The following EPOR variants were observed in gnomAD, a reference collection of about 807,000 sequenced individuals.
EPOR encodes erythropoietin receptor.
In EPOR, 20 loss-of-function variants were observed where a neutral mutation model predicts 34.3. The ratio of observed to expected loss-of-function variants is 0.58; its 90% CI spans 0.41 to 0.85. The LOEUF is 0.85. EPOR is among the 40% of genes least tolerant of loss of function. The pLI is 0.00. For missense variants in EPOR, 601 were observed against 672.7 expected (o/e 0.89, Z 1.18); for synonymous variants, 312 against 299.0 (o/e 1.04, Z -0.45).
At chr19:11,382,139 G>C (rs773520013) in intron 2 of EPOR, 34 bp from the exon 3 acceptor site, 2 of 1,597,322 alleles carry the variant, frequency 1.3e-6, no homozygotes, top group Non-Finnish European at 8.6e-7. Flanking sequence ...GGTTGGGAGG[G>C]GGGACCGGGG....
Position 11,378,703 on chromosome 19 carries a change from C to T in EPOR, c.903G>A (p.Lys301=). The T allele has an allele frequency of 6.2e-7, 1 of 1,614,202 alleles. No homozygotes were observed. ...SEFEGLFTTH[K]GNFQLWLYQN... The stretch of plus-strand genomic sequence containing the variant: ...CCAGGCCACCTACCTGGAAGTTACC[C>T]TTGTGGGTGGTGAAGAGGCCTTCAA... Residue 301 remains lysine (K), a synonymous_variant, in exon 7 of 8, where the codon AAG becomes AAA. Coordinates refer to ENST00000222139, the MANE Select transcript of EPOR (RefSeq NM_000121.4). The surrounding 1 kb of genome is among the most constrained non-coding windows in gnomAD (Gnocchi z 5.3).
chr19:11,381,969 C>T lies in EPOR; in HGVS notation c.388G>A (p.Ala130Thr), dbSNP rs750556052. 2 of 1,614,214 alleles carry T rather than the reference C, an allele frequency of 1.2e-6. No homozygotes were observed. Among genetic ancestry groups the T allele is most frequent in the East Asian group, 4.5e-5 (2 of 44,884 alleles). ...TGGATGACACGGTGATATCGCGGAG[C>T]GCCGGAGGCTGCTGTGACGCGCAAC... ...LELRVTAASGAPRYHRVIHIN... is the reference protein window; with the variant it reads ...LELRVTAASGTPRYHRVIHIN... The change falls in exon 3 of 8, where the codon GCT becomes ACT. Residue 130 changes from alanine (A) to threonine (T), a missense_variant. Ala to Thr is a moderately conservative substitution (Grantham distance 58). Transcript: ENST00000222139. This position sits in a 1 kb window ranked among gnomAD's most constrained non-coding sequence, Gnocchi z 5.3.
Position 11,383,556 on chromosome 19 carries a change from G to T in EPOR, c.116-324C>A, listed in dbSNP as rs1032126853. On this transcript the variant is annotated intron_variant, in intron 1 of 7. Coordinates refer to ENST00000222139, the MANE Select transcript of EPOR (RefSeq NM_000121.4). This position sits in a 1 kb window ranked among gnomAD's most constrained non-coding sequence, Gnocchi z 4.9. The stretch of plus-strand genomic sequence containing the variant: ...CCAGCCTAGGACACGCGCGCGGCTG[G>T]GGGTGTGTGCGGAGAGGCGGGCCCC... 10 of 307,584 alleles carry T rather than the reference G, an allele frequency of 3.3e-5. No homozygotes were observed. The highest frequency in any genetic ancestry group is 5.5e-5 in the Non-Finnish European group (9 of 163,956). The allele number at this position is 307,584 out of a possible 1,614,324, so 19.1% of individuals were successfully genotyped here.
rs879508893 is a variant in EPOR at position 11,377,788 on chromosome 19, T to G, written c.*196A>C. ...TTACATACATATGTGTATATATATATATAGATACAAAAAAAAACTATACAT... is the reference window on the plus strand; with the variant it reads ...TTACATACATATGTGTATATATATAGATAGATACAAAAAAAAACTATACAT... On this transcript the variant is annotated 3_prime_UTR_variant, in exon 8 of 8. Transcript: ENST00000222139. 1.2e-5 allele frequency: 9 copies of G among 731,034 alleles called. No individual in the cohort carries two copies. Among genetic ancestry groups the G allele is most frequent in the East Asian group, 2.7e-5 (1 of 36,494 alleles). The allele number at this position is 731,034 out of a possible 1,614,324, so 45.3% of individuals were successfully genotyped here. A position where few individuals can be genotyped will look rare whatever the true frequency, so the allele number is the denominator to read the frequency against.
Position 11,380,952 on chromosome 19 carries a change from C to T in EPOR, c.759G>A (p.Leu253=). ...LTPSDLDPLI[L]TLSLILVVIL... ...TGACCACGAGGATGAGGGAGAGCGT[C>T]AGGATGAGGGGGTCCAGGTCTAAGA... Residue 253 remains leucine, a synonymous_variant, in exon 6 of 8, where the codon CTG becomes CTA. Transcript: ENST00000222139. The T allele has an allele frequency of 6.4e-7, 1 of 1,552,526 alleles. No individual in the cohort carries two copies. The highest frequency in any genetic ancestry group is 8.7e-7 in the Non-Finnish European group (1 of 1,147,348).
rs562625915 is a variant in EPOR, at chr19:11,382,119, G to T, written c.252-14C>A. ...CATGGCTCATCCCTATGCGCCCAGG[G>T]AAGGGAGCAGGTTGGGAGGGGGGAC... is the stretch of plus-strand genomic sequence containing the variant. On this transcript the variant is annotated splice_polypyrimidine_tract_variant and intron_variant, in intron 2 of 7. Coordinates refer to ENST00000222139, the MANE Select transcript of EPOR (RefSeq NM_000121.4). The T allele has an allele frequency of 6.2e-7, 1 of 1,611,472 alleles. No individual in the cohort carries two copies. Among genetic ancestry groups the T allele is most frequent in the South Asian group, 1.1e-5 (1 of 91,004 alleles).
Position 11,384,252 on chromosome 19 carries a change from T to C in EPOR, c.-45A>G, listed in dbSNP as rs2144701419. 7.9e-7 allele frequency: 1 copy of C among 1,272,184 alleles called. No homozygotes were observed. 78.8% of individuals were successfully genotyped at this position (1,272,184 alleles called of 1,614,324 possible). A position where few individuals can be genotyped will look rare whatever the true frequency, so the allele number is the denominator to read the frequency against. On this transcript the variant is annotated 5_prime_UTR_variant, in exon 1 of 8. Transcript: ENST00000222139. ...GGAGCCCAGGGCTCCTGCCCCTCCG[T>C]CCCCCGCCCCCGGCACAGTCCACAG...
In EPOR at chr19:11,384,193, C is replaced by T. The variant is rs1968404106; in HGVS notation, c.15G>A (p.Gly5=). 3 of 1,546,338 alleles carry T rather than the reference C, an allele frequency of 1.9e-6. No individual in the cohort carries two copies. The highest frequency in any genetic ancestry group is 2.6e-6 in the Non-Finnish European group (3 of 1,146,184). Residue 5 remains glycine (G), a synonymous_variant, in exon 1 of 8, where the codon GGG becomes GGA. Transcript: ENST00000222139. Reference sequence around the variant, plus strand: ...AGCCGACCTGGGGCCAGAGGGACGCCCCGAGGTGGTCCATGATACAGCCCC... The same window carrying T: ...AGCCGACCTGGGGCCAGAGGGACGCTCCGAGGTGGTCCATGATACAGCCCC... MDHL[G]ASLWPQVGSL... is the part of the protein sequence containing the mutation.
chr19:11,382,898 A>T (rs777000774), intron 2 of EPOR, 199 bp downstream of exon 2: 24 of 1,529,376 alleles, frequency 1.6e-5, no homozygotes, highest in Non-Finnish European at 2.0e-5. Flanking sequence ...GTCGCGTTCC[A>T]GCGGTGATCG....
rs35423344 is a variant in EPOR, at chr19:11,378,373, G to C, written c.1138C>G (p.Pro380Ala). 0.011 allele frequency: 17,236 copies of C among 1,613,328 alleles called. 1,522 individuals are homozygous for C. The African/African-American group carries it at 0.2, about 19-fold the overall frequency. ...GGCCCTGGGAGGTCCTCACTGGGCG[G>C]GTTCCGGGGCAGCAACCATTTGTCC... Reference protein sequence around the residue: ...VLDKWLLPRNPPSEDLPGPGG... With the variant: ...VLDKWLLPRNAPSEDLPGPGG... The change falls in exon 8 of 8, where the codon CCG becomes GCG. Residue 380 changes from proline (P) to alanine (A), a missense_variant. Physicochemically the swap from Pro to Ala is conservative, Grantham distance 27. Coordinates refer to ENST00000222139, the MANE Select transcript of EPOR (RefSeq NM_000121.4). The surrounding 1 kb of genome is among the most constrained non-coding windows in gnomAD (Gnocchi z 5.3).
Position 11,381,406 on chromosome 19 carries a change from G to A in EPOR, c.586-197C>T, listed in dbSNP as rs575398070. ...GAGAGTCTCTGGTACGAAAGGGCGG[G>A]ACCCGGGCAATTTAATATCTGGGCT... On this transcript the variant is annotated intron_variant, in intron 4 of 7. Coordinates refer to ENST00000222139, the MANE Select transcript of EPOR (RefSeq NM_000121.4). This position sits in a 1 kb window ranked among gnomAD's most constrained non-coding sequence, Gnocchi z 5.3. 258 of 708,618 alleles carry A rather than the reference G, an allele frequency of 3.6e-4. No homozygotes were observed. Among genetic ancestry groups the A allele is most frequent in the Non-Finnish European group, 5.6e-4 (238 of 427,870 alleles). The allele number at this position is 708,618 out of a possible 1,614,324, so 43.9% of individuals were successfully genotyped here. A position where few individuals can be genotyped will look rare whatever the true frequency, so the allele number is the denominator to read the frequency against.
rs745615457 is a variant in EPOR, at chr19:11,377,369, G to A, written c.*615C>T. 5.1e-5 allele frequency: 23 copies of A among 453,994 alleles called. No homozygotes were observed. The highest frequency in any genetic ancestry group is 3.1e-4 in the South Asian group (20 of 64,478). 28.1% of individuals were successfully genotyped at this position (453,994 alleles called of 1,614,324 possible). A position where few individuals can be genotyped will look rare whatever the true frequency, so the allele number is the denominator to read the frequency against. On this transcript the variant is annotated 3_prime_UTR_variant, in exon 8 of 8. Coordinates refer to ENST00000222139, the MANE Select transcript of EPOR (RefSeq NM_000121.4). ...GCCAGTGAGGTGTGAGAAGAAGAGA[G>A]GAAGCCCATTTCCAGGCCAGATCCC...
Position 11,378,200 on chromosome 19 carries a change from A to G in EPOR, c.1311T>C (p.Arg437=), listed in dbSNP as rs1229146571. The change falls in exon 8 of 8, where the codon CGT becomes CGC. Residue 437 remains arginine, a synonymous_variant. Transcript: ENST00000222139. The surrounding 1 kb of genome is among the most constrained non-coding windows in gnomAD (Gnocchi z 5.3). ...GCAGCTCAGGGCACAGTGTCCATGG[A>G]CGCAAGAGCTGGGAGCTGGGGTCCA... The part of the protein sequence containing the change: ...TILDPSSQLL[R]PWTLCPELPP... 6.2e-7 allele frequency: 1 copy of G among 1,614,152 alleles called. No homozygotes were observed. The highest frequency in any genetic ancestry group is 2.2e-5 in the East Asian group (1 of 44,884).
chr19:11,378,102 G>C lies in EPOR; in HGVS notation c.1409C>G (p.Ser470Ter). ...CCCTTGGGCTCCCTGGGAGTCCCCT[G>C]AGCTGTAGTCAGTTGAGATGCCAGA... is the stretch of plus-strand genomic sequence containing the variant. ...SDSGISTDYS[S>*]GDSQGAQGGL... Residue 470 changes from serine (S) to a stop codon, truncating the protein, a stop_gained, in exon 8 of 8, where the codon TCA becomes TGA. Coordinates refer to ENST00000222139, the MANE Select transcript of EPOR (RefSeq NM_000121.4). LOFTEE classifies it high-confidence loss of function. This position sits in a 1 kb window ranked among gnomAD's most constrained non-coding sequence, Gnocchi z 5.3. 1.2e-6 allele frequency: 2 copies of C among 1,614,094 alleles called. No homozygotes were observed. The highest frequency in any genetic ancestry group is 1.7e-6 in the Non-Finnish European group (2 of 1,180,024).
chr19:11,382,992 C>A (rs1316575107), intron 2 of EPOR, 105 bp downstream of exon 2: 1 of 1,597,302 alleles, frequency 6.3e-7, no homozygotes, highest in Non-Finnish European at 8.5e-7. Flanking sequence ...ACTGGAGGCG[C>A]CGTCGGGCCT....
In EPOR at chr19:11,383,777, C is replaced by G. The variant is rs1214581833; in HGVS notation, c.115+316G>C. Among the ~76,000 whole-genome samples the G allele has an allele frequency of 6.6e-6, 1 of 151,904 alleles. No homozygotes were observed. Among genetic ancestry groups the G allele is most frequent in the South Asian group, 2.1e-4 (1 of 4,818 alleles). ...GGGAGGGTCGGCTTGGTCCCCACCC[C>G]CCAGGGACCTTAGCACCAAGTCAGC... is the stretch of plus-strand genomic sequence containing the variant. On this transcript the variant is annotated intron_variant, in intron 1 of 7. Transcript: ENST00000222139. The surrounding 1 kb of genome is among the most constrained non-coding windows in gnomAD (Gnocchi z 4.9).
chr19:11,381,296 G>A lies in EPOR; in HGVS notation c.586-87C>T. ...CCCTGGTGGAACTGAGCCAATCAGG[G>A]GAAAGGAAAACGGTGCCCTAGAATT... On this transcript the variant is annotated intron_variant, in intron 4 of 7. Transcript: ENST00000222139. The surrounding 1 kb of genome is among the most constrained non-coding windows in gnomAD (Gnocchi z 5.3). 2 of 1,456,530 alleles carry A rather than the reference G, an allele frequency of 1.4e-6. No individual in the cohort carries two copies. Among genetic ancestry groups the A allele is most frequent in the Non-Finnish European group, 9.4e-7 (1 of 1,066,832 alleles). The allele number at this position is 1,456,530 out of a possible 1,614,324, so 90.2% of individuals were successfully genotyped here.
At chr19:11,382,825 C>G (rs1044068200) in intron 2 of EPOR, 1 of 1,443,564 alleles carries the variant, frequency 6.9e-7, no homozygotes. Context: ...GGCGTCCCAG[C>G]CCCGACGTAG....
Position 11,377,873 on chromosome 19 carries a change from A to T in EPOR, c.*111T>A. 1 of 1,357,886 alleles carries T rather than the reference A, an allele frequency of 7.4e-7. No homozygotes were observed. Among genetic ancestry groups the T allele is most frequent in the South Asian group, 1.2e-5 (1 of 85,604 alleles). The allele number at this position is 1,357,886 out of a possible 1,614,324, so 84.1% of individuals were successfully genotyped here. A position where few individuals can be genotyped will look rare whatever the true frequency, so the allele number is the denominator to read the frequency against. On this transcript the variant is annotated 3_prime_UTR_variant, in exon 8 of 8. Transcript: ENST00000222139. ...CAGGATGGATTGGGCAGACAAAATC[A>T]GCAATGCCCCTGCTCCTGAGAGAGG...
Sources: allele counts gnomAD v4.1 joint callset (sites outside exome capture counted in the v4.1 genomes callset), GRCh38; gene constraint gnomAD v4.1.1; non-coding constraint Gnocchi (gnomAD v3.1); transcripts MANE v1.5; gene names NCBI Gene and HGNC (gene_info 2026-07-23, HGNC 2026-07-21).